Variants in PDLIM5 observed in about 807,000 individuals in gnomAD.
PDLIM5 encodes PDZ and LIM domain protein 5.
PDLIM5 carries 34 observed loss-of-function variants against 64.2 expected under a neutral mutation model. The ratio of observed to expected loss-of-function variants is 0.53; its 90% CI spans 0.40 to 0.71. The LOEUF is 0.71. Among genes scored for constraint, PDLIM5 ranks in the 30% least tolerant of loss-of-function variants. The pLI, the probability that PDLIM5 is intolerant of heterozygous loss-of-function variation, is 0.00. For missense variants in PDLIM5, 683 were observed against 733.6 expected (o/e 0.93, Z 0.80); for synonymous variants, 253 against 269.1 (o/e 0.94, Z 0.59).
intron 7 of PDLIM5, among the ~76,000 whole-genome samples, chr4:94,601,482 C>A (rs1737492414): frequency 6.6e-6 from 1 of 152,086 alleles, no homozygotes; most frequent in Non-Finnish European, 1.5e-5. Context: ...CAGCAATATC[C>A]CTTTTTGTTT....
rs754256480 is a variant in PDLIM5 at position 94,523,735 on chromosome 4, C to T, written c.108C>T (p.Gly36=). Residue 36 remains glycine (G), a synonymous_variant, in exon 3 of 13, where the codon GGC becomes GGT. Coordinates refer to ENST00000317968, the MANE Select transcript of PDLIM5 (RefSeq NM_006457.5). ...TATATTTATTACAGCTAAAAGATGG[C>T]GGCAAGGCAGCCCAGGCAAATGTAA... ...MPLTISSLKD[G]GKAAQANVRI... The T allele has an allele frequency of 2.2e-5, 35 of 1,611,126 alleles. No homozygotes were observed. Among genetic ancestry groups the T allele is most frequent in the Admixed American group, 1.0e-4 (6 of 59,890 alleles).
At chr4:94,541,646 C>T (rs1460373790) in intron 3 of PDLIM5, among the ~76,000 whole-genome samples, 1 of 152,160 alleles carries the variant, frequency 6.6e-6, no homozygotes, top group East Asian at 1.9e-4. Flanking sequence ...TTGTCCATTA[C>T]CAGTTGAGAA....
At chr4:94,571,724 A>G (rs1178741044) in intron 3 of PDLIM5, among the ~76,000 whole-genome samples, 1 of 152,230 alleles carries the variant, frequency 6.6e-6, no homozygotes, top group Non-Finnish European at 1.5e-5. Flanking sequence ...TTGTTAAAGT[A>G]AAAGATGCTC....
Position 94,640,258 on chromosome 4 carries a change from T to G in PDLIM5, c.1109-18T>G. The G allele has an allele frequency of 6.8e-7, 1 of 1,471,344 alleles. No homozygotes were observed. Among genetic ancestry groups the G allele is most frequent in the Non-Finnish European group, 9.4e-7 (1 of 1,067,628 alleles). 91.1% of individuals were successfully genotyped at this position (1,471,344 alleles called of 1,614,324 possible). On this transcript the variant is annotated intron_variant, in intron 8 of 12. Transcript: ENST00000317968. The stretch of plus-strand genomic sequence containing the variant: ...ATGTGGCTTATTCTCATTCTGATTC[T>G]TCTGTTTTAACTCCTAGTACCTTCC...
rs1042185626 is a variant in PDLIM5, at chr4:94,664,266, T to C, written c.*199T>C. 5.3e-5 allele frequency: 54 copies of C among 1,020,972 alleles called. No individual in the cohort carries two copies. The African/African-American group carries it at 8.4e-4, about 16-fold the overall frequency. The allele number at this position is 1,020,972 out of a possible 1,614,324, so 63.2% of individuals were successfully genotyped here. ...TAAAGAGACGGTTTGGCATTTATTATTACTTTTTCCTGTATTTTATGCCCA... is the reference window on the plus strand; with the variant it reads ...TAAAGAGACGGTTTGGCATTTATTACTACTTTTTCCTGTATTTTATGCCCA... On this transcript the variant is annotated 3_prime_UTR_variant, in exon 13 of 13. Transcript: ENST00000317968.
At chr4:94,592,650 CAG>C (rs1736753665) in intron 7 of PDLIM5, among the ~76,000 whole-genome samples, 1 of 152,252 alleles carries the variant, frequency 6.6e-6, no homozygotes, top group African/African-American at 2.4e-5. Context: ...TTTTTTGAGA[CAG>C]AGTCTCGCTT....
At chr4:94,603,777 C>T (rs905564710) in intron 7 of PDLIM5, among the ~76,000 whole-genome samples, 1 of 152,238 alleles carries the variant, frequency 6.6e-6, no homozygotes, top group Non-Finnish European at 1.5e-5. Flanking sequence ...GGGACCCCTG[C>T]TTCTCGGCTA....
intron 2 of PDLIM5, among the ~76,000 whole-genome samples, chr4:94,505,847 A>C (rs1739406320): frequency 6.6e-6 from 1 of 152,092 alleles, no homozygotes; most frequent in African/African-American, 2.4e-5. Context: ...AGATCTCTGA[A>C]TCTAGTCCTT....
chr4:94,591,872 A>T (rs927500843), intron 7 of PDLIM5, among the ~76,000 whole-genome samples: 1 of 152,236 alleles, frequency 6.6e-6, no homozygotes, highest in East Asian at 1.9e-4. Flanking sequence ...CAAAAGAATC[A>T]TATTTTTGTA....
intron 11 of PDLIM5, among the ~76,000 whole-genome samples, chr4:94,658,286 G>A (rs549027166): frequency 2.9e-4 from 44 of 152,232 alleles, no homozygotes; most frequent in African/African-American, 1.0e-3. Flanking sequence ...TGAATGAGAA[G>A]GTAATCCTGA....
At chr4:94,658,404 A>G (rs1742386876) in intron 11 of PDLIM5, among the ~76,000 whole-genome samples, 1 of 152,214 alleles carries the variant, frequency 6.6e-6, no homozygotes, top group Non-Finnish European at 1.5e-5. Flanking sequence ...TTTCCTTCCC[A>G]AAGTCTGTAA....
At chr4:94,593,101 C>T (rs1736795455) in intron 7 of PDLIM5, among the ~76,000 whole-genome samples, 1 of 152,138 alleles carries the variant, frequency 6.6e-6, no homozygotes, top group South Asian at 2.1e-4. Flanking sequence ...AAGTTTCCTA[C>T]CGAAGTTTGA....
chr4:94,564,532 G>A (rs1237271831), intron 3 of PDLIM5, among the ~76,000 whole-genome samples: 2 of 152,042 alleles, frequency 1.3e-5, no homozygotes, highest in African/African-American at 4.8e-5. Context: ...GTATAAAATA[G>A]TGTGTCCTTT....
chr4:94,502,452 C>T (rs1728009858), intron 2 of PDLIM5, among the ~76,000 whole-genome samples: 1 of 152,200 alleles, frequency 6.6e-6, no homozygotes, highest in Admixed American at 6.5e-5. Flanking sequence ...GTCACACTGC[C>T]TGGGTTCCAG....
intron 8 of PDLIM5, among the ~76,000 whole-genome samples, chr4:94,635,119 A>G (rs1264995869): frequency 6.6e-6 from 1 of 152,216 alleles, no homozygotes; most frequent in African/African-American, 2.4e-5. Context: ...TTTAAAGTTA[A>G]CGAAAGAGAT....
rs568122499 is a variant in PDLIM5 at position 94,606,626 on chromosome 4, G to T, written c.921-11378G>T. On this transcript the variant is annotated intron_variant, in intron 7 of 12. Coordinates refer to ENST00000317968, the MANE Select transcript of PDLIM5 (RefSeq NM_006457.5). ...AGATCACCTAGAGCAGGGCTGGAAGGTCTAAGCAACAGACATGATGGCATT... is the reference window on the plus strand; with the variant it reads ...AGATCACCTAGAGCAGGGCTGGAAGTTCTAAGCAACAGACATGATGGCATT... Among the ~76,000 whole-genome samples, 100 of 152,318 alleles carry T rather than the reference G, an allele frequency of 6.6e-4. 1 individual carries two copies. In the South Asian group the frequency reaches 0.02, roughly 30 times the overall value.
chr4:94,586,469 T>C (rs1384447495), intron 7 of PDLIM5, 25 bp downstream of exon 7: 1 of 1,416,818 alleles, frequency 7.1e-7, no homozygotes, highest in Non-Finnish European at 9.9e-7. Context: ...TTTTTGACAA[T>C]TGAATGTTTT....
Position 94,623,684 on chromosome 4 carries a change from A to G in PDLIM5, c.1108+5493A>G, listed in dbSNP as rs192269974. Among the ~76,000 whole-genome samples the G allele has an allele frequency of 1.6e-3, 250 of 152,124 alleles. 1 individual carries two copies. Among genetic ancestry groups the G allele is most frequent in the African/African-American group, 5.6e-3 (233 of 41,520 alleles). On this transcript the variant is annotated intron_variant, in intron 8 of 12. Transcript: ENST00000317968. Reference sequence around the variant, plus strand: ...CTCAGTAAATGTCCCCGAGAAAGTGAGTGGGTAGAGAAGTCAGTTGTCTTA... The same window carrying G: ...CTCAGTAAATGTCCCCGAGAAAGTGGGTGGGTAGAGAAGTCAGTTGTCTTA...
intron 10 of PDLIM5, chr4:94,657,043 T>C (rs555838518): frequency 3.0e-4 from 46 of 153,906 alleles, no homozygotes; most frequent in Middle Eastern, 6.8e-3. Context: ...CCAGAACTTT[T>C]GCAGATAATA....
Sources: allele counts gnomAD v4.1 joint callset (sites outside exome capture counted in the v4.1 genomes callset), GRCh38; gene constraint gnomAD v4.1.1; transcripts MANE v1.5; gene names NCBI Gene and HGNC (gene_info 2026-07-23, HGNC 2026-07-21).